Variants in AFDN observed in about 807,000 individuals in gnomAD.
AFDN encodes afadin.
A neutral mutation model predicts 216.6 loss-of-function variants in AFDN; 68 were observed. The observed-to-expected ratio is 0.31, with a 90% CI of 0.26 to 0.38. AFDN has a LOEUF of 0.38. Ranked by LOEUF, AFDN falls within the 10% of genes least tolerant of loss-of-function variation. AFDN has a pLI of 1.00. For synonymous variants in AFDN, 868 were observed against 853.7 expected (o/e 1.02, Z -0.29); for missense variants, 2,136 against 2,342.0 (o/e 0.91, Z 1.82).
At chr6:167,844,522 C>T (rs1015310956) in intron 1 of AFDN, among the ~76,000 whole-genome samples, 1 of 152,110 alleles carries the variant, frequency 6.6e-6, no homozygotes, top group Non-Finnish European at 1.5e-5. Flanking sequence ...TTGACTGTTT[C>T]CACAGTACAC....
intron 16 of AFDN, 125 bp from the exon 17 acceptor site, chr6:167,914,043 G>C (rs1318779478): frequency 9.9e-7 from 1 of 1,005,496 alleles, no homozygotes; most frequent in Admixed American, 2.6e-5. Context: ...TGGTATCTGT[G>C]GTAAATACCT....
At chr6:167,904,794 G>A (rs939178552) in intron 12 of AFDN, among the ~76,000 whole-genome samples, 4 of 152,092 alleles carry the variant, frequency 2.6e-5, no homozygotes, top group African/African-American at 4.8e-5. Flanking sequence ...AGGACCACAC[G>A]GCCCCAAGAG....
intron 19 of AFDN, among the ~76,000 whole-genome samples, chr6:167,916,271 G>C (rs1052833301): frequency 6.6e-6 from 1 of 152,176 alleles, no homozygotes; most frequent in African/African-American, 2.4e-5. Context: ...GCCGACATTG[G>C]ACCAGCTGAT....
At chr6:167,837,207 T>C (rs536039364) in intron 1 of AFDN, among the ~76,000 whole-genome samples, 1 of 152,192 alleles carries the variant, frequency 6.6e-6, no homozygotes, top group African/African-American at 2.4e-5. Flanking sequence ...GCAAATATGA[T>C]TAGACATGAA....
rs377293793 is a variant in AFDN at position 167,951,943 on chromosome 6, A to G, written c.4589A>G (p.Lys1530Arg). The change falls in exon 30 of 34, where the codon AAG becomes AGG. Residue 1530 changes from lysine (K) to arginine (R), a missense_variant. By Grantham distance (26) the Lys-to-Arg change is conservative. Transcript: ENST00000683244. This position sits in a 1 kb window ranked among gnomAD's most constrained non-coding sequence, Gnocchi z 7.1. ...PDPWKRDAKE[K>R]LEKQQQMHIV... ...CCGTGGAAGCGGGACGCCAAGGAGA[A>G]GCTGGAGAAGCAGCAGCAGATGCAC... is the stretch of plus-strand genomic sequence containing the variant. 1 of 1,614,048 alleles carries G rather than the reference A, an allele frequency of 6.2e-7. No homozygotes were observed. The highest frequency in any genetic ancestry group is 1.3e-5 in the African/African-American group (1 of 74,930).
Position 167,907,175 on chromosome 6 carries a change from C to G in AFDN, c.1655C>G (p.Thr552Ser). Reference protein sequence around the residue: ...SGTALPTSKSTTRLDSDRVSS... With the variant: ...SGTALPTSKSSTRLDSDRVSS... ...TTGTGCTTTCTCTCCATGTAGAGCA[C>G]CACTAGGCTGGACAGCGACAGAGTG... Residue 552 changes from threonine to serine, a missense_variant, in exon 13 of 34, where the codon ACC (threonine) becomes AGC (serine). Thr to Ser is a moderately conservative substitution (Grantham distance 58). This residue lies in a region of AFDN where 817 missense variants were observed against 965.7 expected (regional missense o/e 0.85). Transcript: ENST00000683244. 4 of 1,613,600 alleles carry G rather than the reference C, an allele frequency of 2.5e-6. No homozygotes were observed. The highest frequency in any genetic ancestry group is 3.4e-6 in the Non-Finnish European group (4 of 1,179,600).
intron 23 of AFDN, among the ~76,000 whole-genome samples, chr6:167,931,945 T>A (rs751646667): frequency 7.9e-5 from 12 of 152,216 alleles, no homozygotes; most frequent in Non-Finnish European, 1.8e-4. Context: ...GCACCCCCTC[T>A]CAAAGCCTCA....
At chr6:167,864,892 G>A (rs752226609) in intron 2 of AFDN, 146 bp downstream of exon 2, 1 of 848,864 alleles carries the variant, frequency 1.2e-6, no homozygotes, top group Non-Finnish European at 2.0e-6. Flanking sequence ...CTGGCAGGCT[G>A]AGAAAACTGT....
rs552145094 is a variant in AFDN at position 167,918,745 on chromosome 6, A to G, written c.2720A>G (p.Glu907Gly). ...TTGTTTTCCAAACAGGATCTTATAGAAAATGTAGTGACTGTGGCTGAAAAC... is the reference window on the plus strand; with the variant it reads ...TTGTTTTCCAAACAGGATCTTATAGGAAATGTAGTGACTGTGGCTGAAAAC... ...DEPFIPTDLI[E>G]NVVTVAENTA... Residue 907 changes from glutamate to glycine, a missense_variant, in exon 21 of 34, where the codon GAA becomes GGA. Glu to Gly is a moderately conservative substitution (Grantham distance 98, BLOSUM62 -2). This residue lies in a region of AFDN where 162 missense variants were observed against 182.6 expected (regional missense o/e 0.89). Transcript: ENST00000683244. The G allele has an allele frequency of 1.2e-5, 19 of 1,614,174 alleles. No homozygotes were observed. The highest frequency in any genetic ancestry group is 2.2e-5 in the East Asian group (1 of 44,878).
rs1219019543 is a variant in AFDN at position 167,828,122 on chromosome 6, A to G, written c.105+885A>G. Among the ~76,000 whole-genome samples, 16 of 152,264 alleles carry G rather than the reference A, an allele frequency of 1.1e-4. No individual in the cohort carries two copies. The East Asian group carries it at 2.5e-3, about 24-fold the overall frequency. On this transcript the variant is annotated intron_variant, in intron 1 of 33. Transcript: ENST00000683244. The stretch of plus-strand genomic sequence containing the variant: ...CTCTGTTCATTCGGTGGCTGCACAG[A>G]CTTTACCAGCATAAAAAAATTTCAC...
chr6:167,953,943 T>A (rs1796256716), intron 30 of AFDN, among the ~76,000 whole-genome samples: 2 of 152,250 alleles, frequency 1.3e-5, no homozygotes, highest in South Asian at 4.1e-4. Context: ...TATCAGCATT[T>A]CTTATTGTTA....
At chr6:167,875,205 G>GT in intron 4 of AFDN, 130 bp from the exon 5 acceptor site, 1 of 739,346 alleles carries the variant, frequency 1.4e-6, no homozygotes, top group Non-Finnish European at 2.2e-6. Context: ...TAAATAGTAC[G>GT]TAACAGACCT....
rs368143143 is a variant in AFDN at position 167,907,192 on chromosome 6, G to C, written c.1672G>C (p.Asp558His). The C allele has an allele frequency of 4.3e-6, 7 of 1,614,132 alleles. No homozygotes were observed. The highest frequency in any genetic ancestry group is 1.7e-5 in the Admixed American group (1 of 60,020). ...TSKSTTRLDS[D>H]RVSSASSTAE... ...GTAGAGCACCACTAGGCTGGACAGC[G>C]ACAGAGTGTCGTCTGCCTCTAGCAC... is the stretch of plus-strand genomic sequence containing the variant. The change falls in exon 13 of 34, where the codon GAC becomes CAC. Residue 558 changes from aspartate to histidine, a missense_variant. Around this residue, in one of 8 missense-constraint regions of AFDN, gnomAD observed 817 missense variants for 965.7 expected, o/e 0.85. Coordinates refer to ENST00000683244, the MANE Select transcript of AFDN (RefSeq NM_001386888.1).
rs759184455 is a variant in AFDN at position 167,951,353 on chromosome 6, T to C, written c.3999T>C (p.Ser1333=). 3 of 1,614,156 alleles carry C rather than the reference T, an allele frequency of 1.9e-6. No individual in the cohort carries two copies. Among genetic ancestry groups the C allele is most frequent in the Non-Finnish European group, 2.5e-6 (3 of 1,180,030 alleles). ...TSSQEHLNHS[S]KSVTPASTLT... ...GCCAGGAGCATCTGAACCATTCCTCTAAGTCGGTCACCCCTGCTTCCACAC... is the reference window on the plus strand; with the variant it reads ...GCCAGGAGCATCTGAACCATTCCTCCAAGTCGGTCACCCCTGCTTCCACAC... Residue 1333 remains serine, a synonymous_variant, in exon 30 of 34, where the codon TCT becomes TCC. Transcript: ENST00000683244. This position sits in a 1 kb window ranked among gnomAD's most constrained non-coding sequence, Gnocchi z 7.1.
intron 30 of AFDN, among the ~76,000 whole-genome samples, chr6:167,957,101 C>T (rs626876): frequency 0.14 from 20,921 of 152,070 alleles, 1,515 homozygotes; most frequent in Non-Finnish European, 0.16. Context: ...CGGGAGGGTC[C>T]CTGCCTGTCT....
intron 1 of AFDN, among the ~76,000 whole-genome samples, chr6:167,856,841 A>G (rs1274944403): frequency 2.0e-5 from 3 of 152,092 alleles, no homozygotes; most frequent in Admixed American, 6.5e-5. Flanking sequence ...TATATTTATT[A>G]AGCCTGTTTT....
intron 1 of AFDN, among the ~76,000 whole-genome samples, chr6:167,840,692 A>G (rs1027372830): frequency 1.3e-5 from 2 of 152,248 alleles, no homozygotes; most frequent in Non-Finnish European, 2.9e-5. Context: ...CTGTGTGTAC[A>G]TGCAAGTGTA....
At chr6:167,904,449 G>C (rs1583347149) in intron 12 of AFDN, among the ~76,000 whole-genome samples, 1 of 152,054 alleles carries the variant, frequency 6.6e-6, no homozygotes, top group African/African-American at 2.4e-5. Context: ...AGCTCAGGCA[G>C]TCTGCCTGCC....
intron 11 of AFDN, 77 bp from the exon 12 acceptor site, chr6:167,902,240 C>A: frequency 9.7e-7 from 1 of 1,027,562 alleles, no homozygotes; most frequent in Non-Finnish European, 1.5e-6. Context: ...TTTAGTTCTT[C>A]CTTGTGTATT....
Sources: allele counts gnomAD v4.1 joint callset (sites outside exome capture counted in the v4.1 genomes callset), GRCh38; gene constraint gnomAD v4.1.1; regional missense constraint gnomAD v4.1.1; non-coding constraint Gnocchi (gnomAD v3.1); transcripts MANE v1.5; gene names NCBI Gene and HGNC (gene_info 2026-07-23, HGNC 2026-07-21).